The following SLC24A3 variants were observed in gnomAD, a reference collection of about 807,000 sequenced individuals.
The protein encoded by SLC24A3 is sodium/potassium/calcium exchanger 3.
Under a neutral mutation model 75.8 loss-of-function variants are expected in SLC24A3, and 28 were observed. The observed-to-expected ratio is 0.37, with a 90% confidence interval of 0.27 to 0.51. The LOEUF is 0.51. SLC24A3 is among the 20% of genes least tolerant of loss of function. The pLI, the probability that SLC24A3 is intolerant of heterozygous loss-of-function variation, is 0.94. For missense variants in SLC24A3, 663 were observed against 847.8 expected (o/e 0.78, Z 2.71); for synonymous variants, 372 against 334.1 (o/e 1.11, Z -1.24).
chr20:19,453,731 T>G (rs1444764569), intron 2 of SLC24A3, among the ~76,000 whole-genome samples: 2 of 152,188 alleles, frequency 1.3e-5, no homozygotes, highest in Non-Finnish European at 2.9e-5. Context: ...CCACCCCACC[T>G]TTCCTTTCTG....
At chr20:19,482,877 T>G (rs759086153) in intron 2 of SLC24A3, among the ~76,000 whole-genome samples, 3 of 152,214 alleles carry the variant, frequency 2.0e-5, no homozygotes, top group Non-Finnish European at 4.4e-5. Flanking sequence ...TCTGCACCTG[T>G]GTGTGCTGAA....
chr20:19,322,365 CCCTTCCTTCCTTCCTTCCTT>C (rs59240769), intron 2 of SLC24A3, among the ~76,000 whole-genome samples: 16 of 80,072 alleles, frequency 2.0e-4, no homozygotes, highest in East Asian at 3.3e-4. Flanking sequence ...TTCCTTCCTT[CCCTTCCTTCCTTCCTTCCTT>C]CCTTCCTTCC....
intron 1 of SLC24A3, among the ~76,000 whole-genome samples, chr20:19,266,545 TATACTC>T (rs1464912851): frequency 2.0e-5 from 3 of 152,230 alleles, no homozygotes; most frequent in African/African-American, 2.4e-5. Flanking sequence ...CAGACAATTT[TATACTC>T]ATACTCATAA....
intron 6 of SLC24A3, among the ~76,000 whole-genome samples, chr20:19,640,202 G>C (rs1206289969): frequency 6.6e-6 from 1 of 152,248 alleles, no homozygotes. Context: ...CCTCTCAGTA[G>C]CGGTAATGCA....
intron 2 of SLC24A3, among the ~76,000 whole-genome samples, chr20:19,295,956 G>C (rs1984050276): frequency 6.6e-6 from 1 of 152,074 alleles, no homozygotes; most frequent in African/African-American, 2.4e-5. Flanking sequence ...TTGTACCTCT[G>C]GTAGAATTCA....
chr20:19,622,573 T>A (rs893374419), intron 6 of SLC24A3, among the ~76,000 whole-genome samples: 1 of 152,184 alleles, frequency 6.6e-6, no homozygotes, highest in African/African-American at 2.4e-5. Flanking sequence ...TTTGAGAAGG[T>A]CATTCACAAC....
At chr20:19,401,151 CCTGAGA>C (rs1986546177) in intron 2 of SLC24A3, among the ~76,000 whole-genome samples, 1 of 152,102 alleles carries the variant, frequency 6.6e-6, no homozygotes, top group Non-Finnish European at 1.5e-5. Flanking sequence ...AATTGCTCTT[CCTGAGA>C]TTGTCAAAAG....
intron 2 of SLC24A3, among the ~76,000 whole-genome samples, chr20:19,475,768 T>TA (rs1987952465): frequency 6.6e-6 from 1 of 152,340 alleles, no homozygotes; most frequent in South Asian, 2.1e-4. Context: ...CAGTTTAATT[T>TA]AAAAATTCCA....
At chr20:19,414,440 C>G (rs558847313) in intron 2 of SLC24A3, among the ~76,000 whole-genome samples, 3 of 152,272 alleles carry the variant, frequency 2.0e-5, no homozygotes, top group African/African-American at 7.2e-5. Context: ...ATGAATATGG[C>G]TTATCCATTC....
At chr20:19,577,627 G>A (rs1310476232) in intron 3 of SLC24A3, among the ~76,000 whole-genome samples, 1 of 152,066 alleles carries the variant, frequency 6.6e-6, no homozygotes, top group African/African-American at 2.4e-5. Flanking sequence ...GAGAAATGTA[G>A]CCACTATTTT....
chr20:19,585,387 C>A, intron 5 of SLC24A3, 54 bp from the exon 6 acceptor site: 1 of 1,552,030 alleles, frequency 6.4e-7, no homozygotes, highest in Non-Finnish European at 8.8e-7. Context: ...CCATGCCCAC[C>A]TTGGAATGCA....
chr20:19,400,851 C>A (rs1041684785), intron 2 of SLC24A3, among the ~76,000 whole-genome samples: 2 of 152,138 alleles, frequency 1.3e-5, no homozygotes, highest in African/African-American at 4.8e-5. Flanking sequence ...TGCCTGATAT[C>A]TATTGTCTTG....
chr20:19,677,772 CG>C (rs941783141), intron 9 of SLC24A3, among the ~76,000 whole-genome samples: 4 of 143,420 alleles, frequency 2.8e-5, no homozygotes, highest in African/African-American at 7.8e-5. Flanking sequence ...TTGGCAGGGT[CG>C]TAGGACAATA....
intron 2 of SLC24A3, among the ~76,000 whole-genome samples, chr20:19,335,144 G>A (rs896761239): frequency 6.6e-6 from 1 of 151,988 alleles, no homozygotes; most frequent in African/African-American, 2.4e-5. Context: ...AGCTACATAC[G>A]GTTATTGGCT....
At chr20:19,404,111 A>G (rs1486746290) in intron 2 of SLC24A3, among the ~76,000 whole-genome samples, 2 of 152,228 alleles carry the variant, frequency 1.3e-5, no homozygotes, top group Non-Finnish European at 2.9e-5. Flanking sequence ...CTGCAAAGCA[A>G]TAATTCTGAA....
intron 1 of SLC24A3, among the ~76,000 whole-genome samples, chr20:19,265,038 G>C (rs1983121285): frequency 6.6e-6 from 1 of 152,184 alleles, no homozygotes; most frequent in Non-Finnish European, 1.5e-5. Context: ...CCTTGTCTCA[G>C]ACTTGGCTGT....
At chr20:19,260,686 T>C (rs1977792240) in intron 1 of SLC24A3, among the ~76,000 whole-genome samples, 2 of 152,210 alleles carry the variant, frequency 1.3e-5, no homozygotes, top group Admixed American at 1.3e-4. Flanking sequence ...GCGTGTTTGG[T>C]TTACTGCTTC....
At chr20:19,522,197 C>T (rs1184869711) in intron 3 of SLC24A3, among the ~76,000 whole-genome samples, 1 of 152,194 alleles carries the variant, frequency 6.6e-6, no homozygotes, top group African/African-American at 2.4e-5. Flanking sequence ...GCAATGAATT[C>T]TAATTCAGTA....
In SLC24A3 at chr20:19,594,603, A is replaced by G. The variant is rs2031426640; in HGVS notation, c.612+9059A>G. On this transcript the variant is annotated intron_variant, in intron 6 of 16. Transcript: ENST00000328041. Reference sequence around the variant, plus strand: ...GCACAGTTTCAGGCACTGAAGAGGCACTAGAGAAAAAATTACATTCTAGTA... The same window carrying G: ...GCACAGTTTCAGGCACTGAAGAGGCGCTAGAGAAAAAATTACATTCTAGTA... 2.0e-5 allele frequency among the ~76,000 whole-genome samples: 3 copies of G among 152,258 alleles called. No homozygotes were observed. In the South Asian group the frequency reaches 6.2e-4, roughly 31 times the overall value.
Sources: gnomAD v4.1 joint callset for allele counts (sites outside exome capture counted in the v4.1 genomes callset) on GRCh38, gnomAD v4.1.1 for gene constraint, MANE v1.5 for transcripts, NCBI Gene and HGNC (gene_info 2026-07-23, HGNC 2026-07-21) for gene names.